TENM3: variants seen among roughly 807,000 people sequenced by gnomAD.
TENM3 encodes the protein teneurin transmembrane protein 3.
Under a neutral mutation model 255.1 loss-of-function variants are expected in TENM3, and 63 were observed. That is an observed-to-expected ratio of 0.25 (90% CI 0.20 to 0.30). The LOEUF (loss-of-function observed/expected upper bound fraction) is 0.30, where lower values mean the gene tolerates loss of function less well. Ranked by LOEUF, TENM3 falls within the 10% of genes least tolerant of loss-of-function variation. The pLI is 1.00. For missense variants in TENM3, 2,929 were observed against 3,461.1 expected, an observed-to-expected ratio of 0.85 and a Z score of 3.86; for synonymous variants, 1,306 against 1,322.3, an observed-to-expected ratio of 0.99 and a Z score of 0.27.
chr4:182,780,131 A>G (rs1182692232), intron 24 of TENM3, among the ~76,000 whole-genome samples: 14 of 152,152 alleles, frequency 9.2e-5, no homozygotes, highest in African/African-American at 3.1e-4. Flanking sequence ...GTCCTTGCGC[A>G]TGCCTATGTC....
At chr4:182,202,482 T>C (rs1214149785) in intron 1 of TENM3, among the ~76,000 whole-genome samples, 1 of 151,996 alleles carries the variant, frequency 6.6e-6, no homozygotes, top group Non-Finnish European at 1.5e-5. Context: ...CTTTTATATT[T>C]TTAATAGAGA....
At chr4:182,375,295 C>T (rs922139187) in intron 3 of TENM3, among the ~76,000 whole-genome samples, 3 of 151,762 alleles carry the variant, frequency 2.0e-5, no homozygotes, top group African/African-American at 7.3e-5. Context: ...AAGTCCATTC[C>T]TTGGATTGTG....
chr4:182,755,043 G>A lies in TENM3; in HGVS notation c.4676G>A (p.Ser1559Asn), dbSNP rs940410029. ...AATGATATTACTGCTGTGACAGACA[G>A]CAATGGCAACACCCTTAGAATTAGA... Reference protein sequence around the residue: ...NDNDITAVTDSNGNTLRIRRD... With the variant: ...NDNDITAVTDNNGNTLRIRRD... Residue 1559 changes from serine (S) to asparagine (N), a missense_variant, in exon 22 of 28, where the codon AGC becomes AAC. By Grantham distance (46) the Ser-to-Asn change is conservative. Around this residue, in one of 6 missense-constraint regions of TENM3, gnomAD observed 1,608 missense variants for 1,884.4 expected, o/e 0.85. Transcript: ENST00000511685. The A allele has an allele frequency of 6.2e-7, 1 of 1,614,034 alleles. No individual in the cohort carries two copies. The highest frequency in any genetic ancestry group is 8.5e-7 in the Non-Finnish European group (1 of 1,179,890).
the TENM3 span, among the ~76,000 whole-genome samples, chr4:182,101,624 G>T: frequency 2.0e-5 from 3 of 152,244 alleles, no homozygotes; most frequent in East Asian, 5.8e-4. Flanking sequence ...GGGATGATGG[G>T]CAGGGCGGTT....
chr4:182,537,480 C>T (rs1444243344), intron 3 of TENM3, among the ~76,000 whole-genome samples: 2 of 152,186 alleles, frequency 1.3e-5, no homozygotes, highest in African/African-American at 2.4e-5. Context: ...ACTCCCTAAA[C>T]CAAATTCTCA....
chr4:182,392,297 C>A (rs552863932), intron 3 of TENM3, among the ~76,000 whole-genome samples: 1 of 152,276 alleles, frequency 6.6e-6, no homozygotes, highest in South Asian at 2.1e-4. Flanking sequence ...AGAGGGAAAA[C>A]CGAAATCTGT....
the TENM3 span, among the ~76,000 whole-genome samples, chr4:181,605,556 A>AG: frequency 2.6e-4 from 8 of 30,524 alleles, no homozygotes; most frequent in Admixed American, 4.6e-4. Flanking sequence ...GAAAGAAAGA[A>AG]AGAAAGAAAG....
At chr4:182,240,607 G>T (rs972514976), upstream of TENM3, among the ~76,000 whole-genome samples, 10 of 152,164 alleles carry the variant, frequency 6.6e-5, no homozygotes, top group African/African-American at 2.4e-4. Context: ...CGTGCACTTT[G>T]AGCATGTGGG....
chr4:182,585,032 T>C (rs1330495724), intron 3 of TENM3, among the ~76,000 whole-genome samples: 1 of 152,222 alleles, frequency 6.6e-6, no homozygotes, highest in Non-Finnish European at 1.5e-5. Flanking sequence ...TATACTAACA[T>C]GTAAACATCT....
intron 24 of TENM3, among the ~76,000 whole-genome samples, chr4:182,780,697 G>A (rs1390073899): frequency 6.6e-6 from 1 of 150,484 alleles, no homozygotes; most frequent in Non-Finnish European, 1.5e-5. Flanking sequence ...AGCATGGAAT[G>A]TTCTTCCATT....
At chr4:182,212,427 C>G (rs919353140) in intron 1 of TENM3, among the ~76,000 whole-genome samples, 1 of 151,994 alleles carries the variant, frequency 6.6e-6, no homozygotes, top group East Asian at 1.9e-4. Context: ...TGCAGGCGCC[C>G]GTTGGCCACC....
At chr4:181,652,142 TAAAAAAAAAAA>T in the TENM3 span, among the ~76,000 whole-genome samples, 2 of 114,686 alleles carry the variant, frequency 1.7e-5, no homozygotes, top group Admixed American at 1.8e-4. Flanking sequence ...CACTTTGGGG[TAAAAAAAAAAA>T]AAAAAAAAAA....
chr4:181,620,390 A>C, the TENM3 span, among the ~76,000 whole-genome samples: 1 of 152,224 alleles, frequency 6.6e-6, no homozygotes. Flanking sequence ...ACAGTTGGCC[A>C]TGTGGAACTG....
intron 3 of TENM3, among the ~76,000 whole-genome samples, chr4:182,356,518 A>G (rs1156914201): frequency 6.6e-6 from 1 of 151,984 alleles, no homozygotes; most frequent in African/African-American, 2.4e-5. Flanking sequence ...GTACTTGCAT[A>G]ATTGGAGGAC....
At chr4:181,605,587 A>AAGAT in the TENM3 span, among the ~76,000 whole-genome samples, 2 of 39,760 alleles carry the variant, frequency 5.0e-5, 1 homozygote, top group Non-Finnish European at 1.2e-4. Context: ...AAAGAAAGGA[A>AAGAT]AGAAAGAAAG....
chr4:182,137,341 C>A, the TENM3 span, among the ~76,000 whole-genome samples: 31 of 150,854 alleles, frequency 2.1e-4, no homozygotes, highest in African/African-American at 6.1e-4. Flanking sequence ...CCTCCCCCCC[C>A]CCAAAAAGGA....
Position 182,799,559 on chromosome 4 carries a change from C to G in TENM3, c.7345-37C>G. On this transcript the variant is annotated intron_variant, in intron 27 of 27. Coordinates refer to ENST00000511685, the MANE Select transcript of TENM3 (RefSeq NM_001080477.4). The surrounding 1 kb of genome is among the most constrained non-coding windows in gnomAD (Gnocchi z 4.2). ...GGTCAGGAGTGGGGAGGCTCCCGGC[C>G]GCCTCTGACGCGCCCCCTCTTTTGT... 6.6e-7 allele frequency: 1 copy of G among 1,521,982 alleles called. No homozygotes were observed. Among genetic ancestry groups the G allele is most frequent in the Non-Finnish European group, 8.7e-7 (1 of 1,142,906 alleles). 94.3% of individuals were successfully genotyped at this position (1,521,982 alleles called of 1,614,324 possible).
At chr4:181,561,174 G>A in the TENM3 span, among the ~76,000 whole-genome samples, 2 of 152,066 alleles carry the variant, frequency 1.3e-5, no homozygotes, top group African/African-American at 4.8e-5. Flanking sequence ...GGCTGGTCTC[G>A]AACTCCTGAC....
chr4:181,952,004 T>G, the TENM3 span, among the ~76,000 whole-genome samples: 3 of 152,236 alleles, frequency 2.0e-5, no homozygotes, highest in East Asian at 1.9e-4. Context: ...TCTGAAGTAT[T>G]GCTGTATTAT....
Sources: gnomAD v4.1 joint callset for allele counts (sites outside exome capture counted in the v4.1 genomes callset) on GRCh38, gnomAD v4.1.1 for gene constraint, gnomAD v4.1.1 regional missense constraint, Gnocchi (gnomAD v3.1) non-coding constraint, MANE v1.5 for transcripts, NCBI Gene and HGNC (gene_info 2026-07-23, HGNC 2026-07-21) for gene names.